Variants in XRCC4 observed in about 807,000 individuals in gnomAD.
XRCC4 encodes the protein X-ray repair cross complementing 4.
XRCC4 carries 28 observed loss-of-function variants against 39.1 expected under a neutral mutation model. The observed-to-expected ratio is 0.72, with a 90% confidence interval of 0.53 to 0.98. XRCC4 has a LOEUF of 0.98. Among genes scored for constraint, XRCC4 ranks in the 50% least tolerant of loss-of-function variants. The pLI is 0.00. For synonymous variants in XRCC4, 123 were observed against 126.4 expected (o/e 0.97, Z 0.18); for missense variants, 350 against 376.4 (o/e 0.93, Z 0.58).
chr5:83,368,364 C>T, the XRCC4 span, among the ~76,000 whole-genome samples: 1 of 152,084 alleles, frequency 6.6e-6, no homozygotes, highest in Non-Finnish European at 1.5e-5. Flanking sequence ...ACAAGAATGG[C>T]CCATGTGAAG....
chr5:83,148,538 T>C (rs1748562664), intron 3 of XRCC4, among the ~76,000 whole-genome samples: 1 of 152,186 alleles, frequency 6.6e-6, no homozygotes, highest in African/African-American at 2.4e-5. Context: ...CATTGCTCAC[T>C]AGAATACATG....
At chr5:83,193,211 A>G (rs927424339) in intron 3 of XRCC4, among the ~76,000 whole-genome samples, 1 of 152,176 alleles carries the variant, frequency 6.6e-6, no homozygotes, top group Non-Finnish European at 1.5e-5. Flanking sequence ...AGTGAAGGTG[A>G]AAGAGTGCCT....
intron 1 of XRCC4, among the ~76,000 whole-genome samples, chr5:83,100,423 C>T (rs1177547028): frequency 1.3e-5 from 2 of 151,966 alleles, no homozygotes; most frequent in Non-Finnish European, 2.9e-5. Context: ...TACTGAAAGG[C>T]ATCTGGAATA....
intron 7 of XRCC4, among the ~76,000 whole-genome samples, chr5:83,309,948 A>T (rs1755649884): frequency 6.6e-6 from 1 of 152,164 alleles, no homozygotes; most frequent in Non-Finnish European, 1.5e-5. Context: ...AACGTGTTCA[A>T]AATATTCTTT....
chr5:83,103,507 C>CTGTAGCAATATT (rs1746052251), intron 1 of XRCC4, among the ~76,000 whole-genome samples: 1 of 152,224 alleles, frequency 6.6e-6, no homozygotes, highest in Admixed American at 6.5e-5. Context: ...AAAATATTTG[C>CTGTAGCAATATT]TGTGTAGCAC....
chr5:83,339,088 C>G (rs1329690160), intron 7 of XRCC4, among the ~76,000 whole-genome samples: 1 of 152,128 alleles, frequency 6.6e-6, no homozygotes, highest in Non-Finnish European at 1.5e-5. Context: ...TTGTGGAATA[C>G]GGTGATCTGT....
At chr5:83,225,890 C>G (rs554924487) in intron 6 of XRCC4, among the ~76,000 whole-genome samples, 4 of 151,860 alleles carry the variant, frequency 2.6e-5, no homozygotes, top group African/African-American at 9.7e-5. Flanking sequence ...TGTTAAAAAT[C>G]ACCTCTTTTT....
At chr5:83,120,491 C>G (rs1036814869) in intron 3 of XRCC4, among the ~76,000 whole-genome samples, 2 of 152,156 alleles carry the variant, frequency 1.3e-5, no homozygotes, top group Admixed American at 1.3e-4. Context: ...TGCTTTCTTT[C>G]GTTATAGATC....
chr5:83,204,725 G>A (rs1319419606), intron 5 of XRCC4, 90 bp from the exon 6 acceptor site: 2 of 836,846 alleles, frequency 2.4e-6, no homozygotes, highest in Admixed American at 2.6e-5. Context: ...TCTTTTTCTA[G>A]GAATATTTTC....
the XRCC4 span, among the ~76,000 whole-genome samples, chr5:83,366,821 CT>C: frequency 0.013 from 1,960 of 152,194 alleles, 56 homozygotes; most frequent in African/African-American, 0.045. Context: ...TGCTTCCTTG[CT>C]TTTTTCACGT....
At chr5:83,153,800 A>G (rs968656410) in intron 3 of XRCC4, among the ~76,000 whole-genome samples, 1 of 152,164 alleles carries the variant, frequency 6.6e-6, no homozygotes, top group South Asian at 2.1e-4. Context: ...CTTGTGATTT[A>G]TATACTCATG....
chr5:83,129,060 T>G (rs1355234515), intron 3 of XRCC4, among the ~76,000 whole-genome samples: 1 of 152,144 alleles, frequency 6.6e-6, no homozygotes, highest in Non-Finnish European at 1.5e-5. Flanking sequence ...CATGCCTGTG[T>G]CCTGAATGGT....
chr5:83,302,499 G>T (rs1454377229), intron 7 of XRCC4, among the ~76,000 whole-genome samples: 1 of 152,134 alleles, frequency 6.6e-6, no homozygotes, highest in East Asian at 1.9e-4. Flanking sequence ...CCCTGCTTCA[G>T]CTCTCCCTCT....
At chr5:83,180,991 A>G (rs1009662497) in intron 3 of XRCC4, among the ~76,000 whole-genome samples, 4 of 151,066 alleles carry the variant, frequency 2.6e-5, no homozygotes, top group Non-Finnish European at 5.9e-5. Flanking sequence ...TACAAACCTT[A>G]TAATGAAAAA....
chr5:83,187,363 C>G (rs1484326064), intron 3 of XRCC4, among the ~76,000 whole-genome samples: 2 of 152,082 alleles, frequency 1.3e-5, no homozygotes, highest in African/African-American at 2.4e-5. Flanking sequence ...ATTGGGCTCA[C>G]CCAGAAAATA....
chr5:83,234,219 G>A (rs1361320847), intron 6 of XRCC4, among the ~76,000 whole-genome samples: 1 of 152,090 alleles, frequency 6.6e-6, no homozygotes, highest in Non-Finnish European at 1.5e-5. Flanking sequence ...AATGTGTAAT[G>A]CTGTCTGATG....
At chr5:83,320,592 G>A (rs1756034484) in intron 7 of XRCC4, among the ~76,000 whole-genome samples, 1 of 151,718 alleles carries the variant, frequency 6.6e-6, no homozygotes, top group Non-Finnish European at 1.5e-5. Flanking sequence ...GAAATATTTT[G>A]TGAAGGGGTC....
rs534081181 is a variant in XRCC4 at position 83,253,492 on chromosome 5, A to G, written c.746-5038A>G. On this transcript the variant is annotated intron_variant, in intron 6 of 7. Coordinates refer to ENST00000396027, the MANE Select transcript of XRCC4 (RefSeq NM_003401.5). ...AACATGCTTCACTACATTGGGGTGT[A>G]TGTTTGTGTGTGTGTGTGTGTGTAT... 2.6e-3 allele frequency among the ~76,000 whole-genome samples: 363 copies of G among 137,240 alleles called. 3 individuals carry two copies. Among genetic ancestry groups the G allele is most frequent in the African/African-American group, 0.012 (351 of 28,222 alleles). The allele number at this position is 137,240 out of a possible 152,430, so 90.0% of individuals were successfully genotyped here. A position where few individuals can be genotyped will look rare whatever the true frequency, so the allele number is the denominator to read the frequency against.
intron 7 of XRCC4, among the ~76,000 whole-genome samples, chr5:83,335,919 G>A (rs1403118135): frequency 6.6e-6 from 1 of 151,920 alleles, no homozygotes; most frequent in Non-Finnish European, 1.5e-5. Flanking sequence ...CAAATCTCCT[G>A]TATGTGGAAA....
Sources: gnomAD v4.1 joint callset for allele counts (sites outside exome capture counted in the v4.1 genomes callset) on GRCh38, gnomAD v4.1.1 for gene constraint, MANE v1.5 for transcripts, NCBI Gene and HGNC (gene_info 2026-07-23, HGNC 2026-07-21) for gene names.